CACNA1B: variants seen among roughly 807,000 people sequenced by gnomAD.
The protein encoded by CACNA1B is calcium voltage-gated channel subunit alpha1 B.
A neutral mutation model predicts 247.2 loss-of-function variants in CACNA1B; 70 were observed. The observed-to-expected ratio is 0.28, with a 90% CI of 0.23 to 0.35. The LOEUF is 0.35. Among genes scored for constraint, CACNA1B ranks in the 10% least tolerant of loss-of-function variants. The probability of loss-of-function intolerance (pLI) is 1.00; values close to 1 mark genes in which losing one functional copy is unlikely to be tolerated. For missense variants in CACNA1B, 2,367 were observed against 3,197.4 expected, an observed-to-expected ratio of 0.74 and a Z score of 6.26; for synonymous variants, 1,231 against 1,294.4, an observed-to-expected ratio of 0.95 and a Z score of 1.05.
intron 6 of CACNA1B, among the ~76,000 whole-genome samples, chr9:137,938,874 A>G (rs1353427399): frequency 3.3e-5 from 5 of 152,186 alleles, no homozygotes; most frequent in Non-Finnish European, 7.3e-5. Flanking sequence ...GGAGCTTGAG[A>G]CCAGCCTGGC....
In CACNA1B at chr9:138,114,499, C is replaced by A. The variant is rs58892401; in HGVS notation, c.5649+9C>A. ...CTGGAGGCCTCTCCCAGGTAGCTGG[C>A]GGCCCTCAGTTTTCCAGGAAAACTG... On this transcript the variant is annotated intron_variant, in intron 41 of 46. Transcript: ENST00000371372. The A allele has an allele frequency of 3.1e-3, 4,482 of 1,458,850 alleles. 111 individuals are homozygous for A. In the African/African-American group the frequency reaches 0.055, roughly 18 times the overall value. 90.4% of individuals were successfully genotyped at this position (1,458,850 alleles called of 1,614,324 possible).
Position 138,059,004 on chromosome 9 carries a change from T to C in CACNA1B, c.4474-75T>C. Reference sequence around the variant, plus strand: ...ATCGAGTTCTGTCTGCCCGCTTTGCTTGGTCATAGTGGTCCCAGATGGGGT... The same window carrying C: ...ATCGAGTTCTGTCTGCCCGCTTTGCCTGGTCATAGTGGTCCCAGATGGGGT... On this transcript the variant is annotated intron_variant, in intron 29 of 46. Coordinates refer to ENST00000371372, the MANE Select transcript of CACNA1B (RefSeq NM_000718.4). This position sits in a 1 kb window ranked among gnomAD's most constrained non-coding sequence, Gnocchi z 4.2. The C allele has an allele frequency of 1.1e-6, 1 of 891,264 alleles. No homozygotes were observed. The highest frequency in any genetic ancestry group is 1.4e-5 in the South Asian group (1 of 70,476). The allele number at this position is 891,264 out of a possible 1,614,324, so 55.2% of individuals were successfully genotyped here.
chr9:137,884,705 T>G lies in CACNA1B; in HGVS notation c.530+1822T>G, dbSNP rs1424531469. On this transcript the variant is annotated intron_variant, in intron 3 of 46. Transcript: ENST00000371372. ...TGGGGGGTGCGGGCCAGCGGGCAGC[T>G]GGGTAGAGGTGGCAGCACCCGGCCT... 5.9e-5 allele frequency among the ~76,000 whole-genome samples: 9 copies of G among 152,064 alleles called. No individual in the cohort carries two copies. In the East Asian group the frequency reaches 1.7e-3, roughly 30 times the overall value.
At chr9:138,030,101 T>G (rs1387677449) in intron 20 of CACNA1B, among the ~76,000 whole-genome samples, 1 of 152,236 alleles carries the variant, frequency 6.6e-6, no homozygotes, top group Non-Finnish European at 1.5e-5. Context: ...TGTCTGTGAC[T>G]TCCAGTACTA....
At chr9:137,996,836 GA>G (rs574505363) in intron 15 of CACNA1B, among the ~76,000 whole-genome samples, 31 of 152,012 alleles carry the variant, frequency 2.0e-4, no homozygotes, top group African/African-American at 7.0e-4. Flanking sequence ...CCTTGATAAT[GA>G]AAAAAACTAA....
Position 138,052,014 on chromosome 9 carries a change from C to A in CACNA1B, c.3711-78C>A, listed in dbSNP as rs984630977. 3 of 803,118 alleles carry A rather than the reference C, an allele frequency of 3.7e-6. No individual in the cohort carries two copies. The highest frequency in any genetic ancestry group is 2.5e-4 in the Middle Eastern group (1 of 4,072). 49.7% of individuals were successfully genotyped at this position (803,118 alleles called of 1,614,324 possible). ...ACAAAATGCACAGGGGAGCAGGACTCAGACCCTGGGGGGCCACGTGGGAGC... is the reference window on the plus strand; with the variant it reads ...ACAAAATGCACAGGGGAGCAGGACTAAGACCCTGGGGGGCCACGTGGGAGC... On this transcript the variant is annotated intron_variant, in intron 24 of 46. Coordinates refer to ENST00000371372, the MANE Select transcript of CACNA1B (RefSeq NM_000718.4). This position sits in a 1 kb window ranked among gnomAD's most constrained non-coding sequence, Gnocchi z 5.1.
chr9:138,044,178 G>A lies in CACNA1B; in HGVS notation c.3413+278G>A, dbSNP rs151134972. 2.0e-4 allele frequency among the ~76,000 whole-genome samples: 30 copies of A among 152,338 alleles called. No homozygotes were observed. The East Asian group carries it at 3.3e-3, about 17-fold the overall frequency. On this transcript the variant is annotated intron_variant, in intron 21 of 46. Coordinates refer to ENST00000371372, the MANE Select transcript of CACNA1B (RefSeq NM_000718.4). ...GTGTGTCTCTGCACACAGGGACGCC[G>A]TCTGCCCTGTGTCGCAAACACACTT...
chr9:138,049,125 G>T, intron 23 of CACNA1B, 84 bp from the exon 24 acceptor site: 1 of 919,238 alleles, frequency 1.1e-6, no homozygotes. Flanking sequence ...CAAGTGCTGA[G>T]ATTACAGGCA....
In CACNA1B at chr9:138,102,933, GC is replaced by G; in HGVS notation, c.5319+131del. On this transcript the variant is annotated intron_variant, in intron 38 of 46. Coordinates refer to ENST00000371372, the MANE Select transcript of CACNA1B (RefSeq NM_000718.4). This position sits in a 1 kb window ranked among gnomAD's most constrained non-coding sequence, Gnocchi z 5.4. ...CTGTCTGTCTGCCGCTCTGCTGTGC[GC>G]CCCCGGCTGCCTCACTGTGTCTTTC... 8.4e-6 allele frequency: 5 copies of G among 593,276 alleles called. No individual in the cohort carries two copies. The highest frequency in any genetic ancestry group is 3.0e-5 in the East Asian group (1 of 33,460). 36.8% of individuals were successfully genotyped at this position (593,276 alleles called of 1,614,324 possible).
At position 137,971,296 on chromosome 9, in the gene CACNA1B, C is replaced by T. The variant is rs555768107; in HGVS notation, c.1334-87C>T. 8.3e-4 allele frequency: 771 copies of T among 929,206 alleles called. 5 individuals are homozygous for T. The highest frequency in any genetic ancestry group is 1.3e-4 in the Non-Finnish European group (79 of 598,502). The allele number at this position is 929,206 out of a possible 1,614,324, so 57.6% of individuals were successfully genotyped here. On this transcript the variant is annotated intron_variant, in intron 10 of 46. Transcript: ENST00000371372. The surrounding 1 kb of genome is among the most constrained non-coding windows in gnomAD (Gnocchi z 4.4). ...CCGGCTGGGGCTGGGGGCAGGTGTC[C>T]TCCAGAGTGCGTCTGTGGGGGTCCA...
At chr9:137,933,979 A>T (rs1564196086) in intron 6 of CACNA1B, among the ~76,000 whole-genome samples, 1 of 152,246 alleles carries the variant, frequency 6.6e-6, no homozygotes, top group South Asian at 2.1e-4. Flanking sequence ...AATGCTTGTT[A>T]TAAAAATGAA....
chr9:138,077,676 T>C (rs141282174), intron 35 of CACNA1B, among the ~76,000 whole-genome samples: 1 of 152,252 alleles, frequency 6.6e-6, no homozygotes, highest in Non-Finnish European at 1.5e-5. Context: ...AGAGCCTGGC[T>C]GTGTTTTGAA....
At chr9:138,060,587 G>A (rs893351369) in intron 31 of CACNA1B, among the ~76,000 whole-genome samples, 1 of 152,222 alleles carries the variant, frequency 6.6e-6, no homozygotes, top group African/African-American at 2.4e-5. Flanking sequence ...CCTCCGCACG[G>A]CATTAGGCTG....
intron 1 of CACNA1B, among the ~76,000 whole-genome samples, chr9:137,878,835 C>A (rs1380782277): frequency 6.6e-6 from 1 of 152,094 alleles, no homozygotes; most frequent in Admixed American, 6.5e-5. Flanking sequence ...GAGGGGCTGG[C>A]GGCCCAGACT....
rs76402408 is a variant in CACNA1B, at chr9:138,102,310, T to C, written c.5223-401T>C. Among the ~76,000 whole-genome samples, 377 of 152,306 alleles carry C rather than the reference T, an allele frequency of 2.5e-3. 1 individual carries two copies. The highest frequency in any genetic ancestry group is 6.8e-3 in the Middle Eastern group (2 of 294). ...ACCTGACCCCGCCTGCCAGCTCTTC[T>C]GGCAGGGTGGACCAGCTCTTTTCTG... On this transcript the variant is annotated intron_variant, in intron 37 of 46. Coordinates refer to ENST00000371372, the MANE Select transcript of CACNA1B (RefSeq NM_000718.4). The surrounding 1 kb of genome is among the most constrained non-coding windows in gnomAD (Gnocchi z 5.4).
At chr9:138,040,914 G>A (rs1343001488) in intron 20 of CACNA1B, among the ~76,000 whole-genome samples, 1 of 152,188 alleles carries the variant, frequency 6.6e-6, no homozygotes, top group Non-Finnish European at 1.5e-5. Flanking sequence ...GGTTTTGTGA[G>A]CTAATTAAGC....
intron 41 of CACNA1B, among the ~76,000 whole-genome samples, chr9:138,114,885 G>C (rs1961800098): frequency 6.6e-6 from 1 of 152,190 alleles, no homozygotes; most frequent in African/African-American, 2.4e-5. Flanking sequence ...ATAGGTACAG[G>C]ATCATTGTCT....
intron 20 of CACNA1B, among the ~76,000 whole-genome samples, chr9:138,040,112 T>C (rs1215465708): frequency 6.6e-6 from 1 of 152,134 alleles, no homozygotes; most frequent in Non-Finnish European, 1.5e-5. Flanking sequence ...TAATTTTTTA[T>C]ATTTATTGTA....
chr9:138,033,891 G>A (rs770407267), intron 20 of CACNA1B, among the ~76,000 whole-genome samples: 3 of 152,196 alleles, frequency 2.0e-5, no homozygotes, highest in Non-Finnish European at 4.4e-5. Flanking sequence ...TTTGAGGTGA[G>A]ATTTGGGTGG....
Sources: gnomAD v4.1 joint callset for allele counts (sites outside exome capture counted in the v4.1 genomes callset) on GRCh38, gnomAD v4.1.1 for gene constraint, Gnocchi (gnomAD v3.1) non-coding constraint, MANE v1.5 for transcripts, NCBI Gene and HGNC (gene_info 2026-07-23, HGNC 2026-07-21) for gene names.